The following TMEFF1 variants were observed in gnomAD, a reference collection of about 807,000 sequenced individuals.
TMEFF1 encodes tomoregulin-1.
Under a neutral mutation model 47.5 loss-of-function variants are expected in TMEFF1, and 20 were observed. The observed-to-expected ratio is 0.42, with a 90% CI of 0.30 to 0.61. The LOEUF (loss-of-function observed/expected upper bound fraction) is 0.61. TMEFF1 is among the 20% of genes least tolerant of loss of function. The pLI is 0.19. For missense variants in TMEFF1, 411 were observed against 471.1 expected, an observed-to-expected ratio of 0.87 and a Z score of 1.18; for synonymous variants, 162 against 166.3, an observed-to-expected ratio of 0.97 and a Z score of 0.20.
intron 1 of TMEFF1, among the ~76,000 whole-genome samples, chr9:100,476,854 G>A (rs1286166096): frequency 6.6e-6 from 1 of 151,820 alleles, no homozygotes; most frequent in African/African-American, 2.4e-5. Flanking sequence ...CCGCCACCAT[G>A]CCCGGCTAAT....
intron 5 of TMEFF1, among the ~76,000 whole-genome samples, chr9:100,539,102 C>T (rs1453501907): frequency 1.3e-5 from 2 of 152,106 alleles, no homozygotes; most frequent in African/African-American, 2.4e-5. Context: ...GACAGGGTTT[C>T]GCCATGTTGG....
At chr9:100,528,487 A>G (rs918292948) in intron 5 of TMEFF1, among the ~76,000 whole-genome samples, 8 of 147,026 alleles carry the variant, frequency 5.4e-5, no homozygotes, top group Non-Finnish European at 9.0e-5. Context: ...AAGAAAGGGT[A>G]TCAGCGATGG....
intron 5 of TMEFF1, among the ~76,000 whole-genome samples, chr9:100,541,026 G>A (rs960814066): frequency 6.6e-6 from 1 of 151,964 alleles, no homozygotes; most frequent in Non-Finnish European, 1.5e-5. Flanking sequence ...TCTTTATGGG[G>A]CATTGTTTAT....
At chr9:100,507,164 T>C (rs1417154135) in intron 2 of TMEFF1, among the ~76,000 whole-genome samples, 2 of 152,180 alleles carry the variant, frequency 1.3e-5, no homozygotes, top group Non-Finnish European at 2.9e-5. Context: ...TCCAGCTGCA[T>C]CCATGTTGCT....
rs146907310 is a variant in TMEFF1, at chr9:100,542,738, A to T, written c.561-5006A>T. ...TCCACTATGATATTTCAGTATGTGGATCCATTTTTAGTAATCCTGTTTGGG... is the reference window on the plus strand; with the variant it reads ...TCCACTATGATATTTCAGTATGTGGTTCCATTTTTAGTAATCCTGTTTGGG... On this transcript the variant is annotated intron_variant, in intron 5 of 9. Coordinates refer to ENST00000374879, the MANE Select transcript of TMEFF1 (RefSeq NM_003692.5). Among the ~76,000 whole-genome samples the T allele has an allele frequency of 1.6e-4, 25 of 152,088 alleles. No individual in the cohort carries two copies. The East Asian group carries it at 4.8e-3, about 29-fold the overall frequency.
At chr9:100,511,832 C>T (rs1391059555) in intron 3 of TMEFF1, among the ~76,000 whole-genome samples, 2 of 152,036 alleles carry the variant, frequency 1.3e-5, no homozygotes, top group Non-Finnish European at 2.9e-5. Flanking sequence ...CAGGGTGGGA[C>T]GGAATCGTGT....
intron 1 of TMEFF1, among the ~76,000 whole-genome samples, chr9:100,494,550 G>A (rs1837617401): frequency 1.3e-5 from 2 of 152,088 alleles, no homozygotes; most frequent in African/African-American, 4.8e-5. Context: ...TGGTCTTTCT[G>A]GTCTGTCATC....
rs1838077997 is a variant in TMEFF1, at chr9:100,516,585, A to T, written c.464-90A>T. On this transcript the variant is annotated intron_variant, in intron 4 of 9. Transcript: ENST00000374879. ...TCAAGAGCTCAGGTACATTTTCCTCAGAAACAGGATAATGACTGCTGAAAA... is the reference window on the plus strand; with the variant it reads ...TCAAGAGCTCAGGTACATTTTCCTCTGAAACAGGATAATGACTGCTGAAAA... 3 of 1,480,570 alleles carry T rather than the reference A, an allele frequency of 2.0e-6. No homozygotes were observed. The African/African-American group carries it at 4.2e-5, about 21-fold the overall frequency. The allele number at this position is 1,480,570 out of a possible 1,614,324, so 91.7% of individuals were successfully genotyped here.
intron 1 of TMEFF1, among the ~76,000 whole-genome samples, chr9:100,491,779 A>C (rs1837555711): frequency 6.6e-6 from 1 of 152,220 alleles, no homozygotes; most frequent in South Asian, 2.1e-4. Context: ...GGGAGTCACA[A>C]AAATGATTCA....
chr9:100,561,034 C>G lies in TMEFF1; in HGVS notation c.776-363C>G, dbSNP rs117790231. Among the ~76,000 whole-genome samples, 17 of 152,278 alleles carry G rather than the reference C, an allele frequency of 1.1e-4. No homozygotes were observed. The East Asian group carries it at 3.3e-3, about 29-fold the overall frequency. On this transcript the variant is annotated intron_variant, in intron 7 of 9. Coordinates refer to ENST00000374879, the MANE Select transcript of TMEFF1 (RefSeq NM_003692.5). ...TAAGTTCATTCCCCAAAAGCCAATT[C>G]TATGTACACCATCTGTCTGTCACAG...
chr9:100,526,955 CA>C (rs55736750), intron 5 of TMEFF1, among the ~76,000 whole-genome samples: 1,524 of 38,986 alleles, frequency 0.039, 8 homozygotes, highest in African/African-American at 0.062. Flanking sequence ...GCTAAAAATA[CA>C]AAAAAAAAAA....
At chr9:100,526,198 C>T (rs1047352189) in intron 5 of TMEFF1, among the ~76,000 whole-genome samples, 1 of 152,104 alleles carries the variant, frequency 6.6e-6, no homozygotes, top group Non-Finnish European at 1.5e-5. Flanking sequence ...AGTCTAAAGC[C>T]ATTCTAATTC....
intron 5 of TMEFF1, among the ~76,000 whole-genome samples, chr9:100,523,528 A>G (rs1023309371): frequency 1.3e-5 from 2 of 152,160 alleles, no homozygotes; most frequent in African/African-American, 4.8e-5. Context: ...GGCCTTTATT[A>G]TTCACTTAGA....
intron 5 of TMEFF1, among the ~76,000 whole-genome samples, chr9:100,537,926 AT>A (rs993361901): frequency 6.6e-6 from 1 of 152,062 alleles, no homozygotes; most frequent in Non-Finnish European, 1.5e-5. Flanking sequence ...ATGAACTAAA[AT>A]TTTTTTCTGT....
At chr9:100,476,642 C>T (rs983093613) in intron 1 of TMEFF1, among the ~76,000 whole-genome samples, 7 of 151,410 alleles carry the variant, frequency 4.6e-5, no homozygotes, top group African/African-American at 1.5e-4. Context: ...ATCCGCCTGC[C>T]TCGGCCTCCC....
intron 3 of TMEFF1, among the ~76,000 whole-genome samples, chr9:100,510,170 C>T (rs1837936141): frequency 6.6e-6 from 1 of 152,170 alleles, no homozygotes; most frequent in Non-Finnish European, 1.5e-5. Flanking sequence ...AGGCTGTTCT[C>T]ACTTCTGACA....
intron 4 of TMEFF1, 150 bp downstream of exon 4, chr9:100,513,483 G>C: frequency 1.0e-6 from 1 of 978,810 alleles, no homozygotes; most frequent in Non-Finnish European, 1.4e-6. Flanking sequence ...GTGACTTTTA[G>C]TAAATTCACA....
intron 1 of TMEFF1, among the ~76,000 whole-genome samples, chr9:100,476,953 C>T (rs1028478813): frequency 2.0e-5 from 3 of 152,158 alleles, no homozygotes; most frequent in African/African-American, 7.2e-5. Flanking sequence ...GCCTCGGCCT[C>T]CCAAAGTGCT....
At position 100,505,825 on chromosome 9, in the gene TMEFF1, A is replaced by G. The variant is rs532364348; in HGVS notation, c.307-3180A>G. Among the ~76,000 whole-genome samples, 41 of 152,346 alleles carry G rather than the reference A, an allele frequency of 2.7e-4. No individual in the cohort carries two copies. The South Asian group carries it at 4.1e-3, about 15-fold the overall frequency. The stretch of plus-strand genomic sequence containing the variant: ...GAAAGTAAGCATTTGTTGAGGAATG[A>G]AGTGGGATTGGAAAGTTCATAGATT... On this transcript the variant is annotated intron_variant, in intron 2 of 9. Coordinates refer to ENST00000374879, the MANE Select transcript of TMEFF1 (RefSeq NM_003692.5).
Sources: gnomAD v4.1 joint callset for allele counts (sites outside exome capture counted in the v4.1 genomes callset) on GRCh38, gnomAD v4.1.1 for gene constraint, MANE v1.5 for transcripts, NCBI Gene and HGNC (gene_info 2026-07-23, HGNC 2026-07-21) for gene names.